Variants in DOCK9 observed in about 807,000 individuals in gnomAD.
The protein encoded by DOCK9 is dedicator of cytokinesis 9, also known as dedicator of cytokinesis protein 9.
In DOCK9, 89 loss-of-function variants were observed where a neutral mutation model predicts 263.3. That is an observed-to-expected ratio of 0.34 (90% CI 0.28 to 0.40). DOCK9 has a LOEUF of 0.40. DOCK9 is among the 10% of genes least tolerant of loss of function. The probability of loss-of-function intolerance (pLI) is 1.00; values close to 1 mark genes in which losing one functional copy is unlikely to be tolerated. For missense variants in DOCK9, 2,140 were observed against 2,603.4 expected (o/e 0.82, Z 3.87); for synonymous variants, 976 against 973.1 (o/e 1.00, Z -0.06).
At chr13:98,795,904 T>C (rs1239913351) in intron 52 of DOCK9, among the ~76,000 whole-genome samples, 11 of 152,002 alleles carry the variant, frequency 7.2e-5, no homozygotes, top group Non-Finnish European at 4.4e-5. Flanking sequence ...GACTAGGGTA[T>C]GTGCCACTAC....
intron 38 of DOCK9, among the ~76,000 whole-genome samples, chr13:98,838,503 A>C (rs916839018): frequency 6.6e-6 from 1 of 152,256 alleles, no homozygotes; most frequent in African/African-American, 2.4e-5. Flanking sequence ...GTCTGAAAGA[A>C]ATGTTTAGAA....
Position 98,826,874 on chromosome 13 carries a change from T to A in DOCK9, c.4979A>T (p.Tyr1660Phe), listed in dbSNP as rs1399725509. Residue 1660 changes from tyrosine (Y) to phenylalanine (F), a missense_variant, in exon 44 of 53, where the codon TAT (tyrosine) becomes TTT (phenylalanine). Physicochemically the swap from Tyr to Phe is conservative, Grantham distance 22. Transcript: ENST00000682017. ...NGDLSEAAMC[Y>F]VHVTALVAEY... ...TGCCACTAGGGCTGTTACGTGGACA[T>A]AGCACATTGCTGCCTATAATAGAAG... The A allele has an allele frequency of 1.9e-6, 3 of 1,610,734 alleles. No homozygotes were observed. The Admixed American group carries it at 5.0e-5, about 27-fold the overall frequency.
intron 2 of DOCK9, among the ~76,000 whole-genome samples, chr13:98,952,399 C>A (rs914159775): frequency 1.3e-5 from 2 of 151,764 alleles, no homozygotes; most frequent in African/African-American, 4.8e-5. Context: ...CCATGCCTGG[C>A]TAATTTTTGT....
chr13:99,005,427 C>T (rs966090230), intron 1 of DOCK9, among the ~76,000 whole-genome samples: 1 of 152,006 alleles, frequency 6.6e-6, no homozygotes, highest in African/African-American at 2.4e-5. Context: ...GTATAAGAAC[C>T]TTGCTTTTGC....
chr13:98,885,085 G>A lies in DOCK9; in HGVS notation c.2268C>T (p.Tyr756=). 1 of 1,613,582 alleles carries A rather than the reference G, an allele frequency of 6.2e-7. No homozygotes were observed. Among genetic ancestry groups the A allele is most frequent in the Admixed American group, 1.7e-5 (1 of 59,970 alleles). Residue 756 remains tyrosine (Y), a synonymous_variant, in exon 21 of 53, where the codon TAC becomes TAT. Transcript: ENST00000682017. The part of the protein sequence containing the change: ...KRDVVETQVG[Y]SWLPLLKDGR... The stretch of plus-strand genomic sequence containing the variant: ...CGTCTTTCAGGAGGGGAAGCCAGGA[G>A]TAGCCAACTGTTGAAAACAAAGAAC...
chr13:98,816,872 T>A (rs2091901923), intron 45 of DOCK9, among the ~76,000 whole-genome samples: 1 of 151,848 alleles, frequency 6.6e-6, no homozygotes, highest in African/African-American at 2.4e-5. Context: ...AAAATCGCAA[T>A]CAGAGTGATA....
intron 1 of DOCK9, among the ~76,000 whole-genome samples, chr13:99,035,434 T>A (rs1887772819): frequency 6.6e-6 from 1 of 152,200 alleles, no homozygotes; most frequent in South Asian, 2.1e-4. Context: ...GTCTACTGGA[T>A]TGGGTTCCAG....
At chr13:99,040,018 CT>C (rs1888302255) in intron 1 of DOCK9, among the ~76,000 whole-genome samples, 1 of 152,190 alleles carries the variant, frequency 6.6e-6, no homozygotes, top group Admixed American at 6.5e-5. Flanking sequence ...GAAGTGAATG[CT>C]TGTGTTTCCC....
intron 1 of DOCK9, among the ~76,000 whole-genome samples, chr13:99,046,768 T>G (rs1489427392): frequency 6.6e-6 from 1 of 152,260 alleles, no homozygotes; most frequent in Non-Finnish European, 1.5e-5. Context: ...TATCACTTAC[T>G]TTACTTTCAT....
At chr13:99,077,149 T>C (rs899946110) in intron 1 of DOCK9, among the ~76,000 whole-genome samples, 1 of 152,218 alleles carries the variant, frequency 6.6e-6, no homozygotes, top group Admixed American at 6.5e-5. Context: ...TGGGAAATAC[T>C]AATGTCTTCA....
chr13:99,086,121 C>T, intron 1 of DOCK9: 1 of 1,354,638 alleles, frequency 7.4e-7, no homozygotes, highest in Non-Finnish European at 9.5e-7. Flanking sequence ...CAGGGTCGGC[C>T]GCTCTGCCTC....
chr13:99,035,213 T>C (rs1245390459), intron 1 of DOCK9, among the ~76,000 whole-genome samples: 1 of 152,178 alleles, frequency 6.6e-6, no homozygotes, highest in Non-Finnish European at 1.5e-5. Flanking sequence ...TCTCTCAAAT[T>C]TGAATGAGCA....
intron 21 of DOCK9, 105 bp downstream of exon 21, chr13:98,884,866 G>T: frequency 7.6e-7 from 1 of 1,321,144 alleles, no homozygotes; most frequent in Non-Finnish European, 1.0e-6. Flanking sequence ...CAAAATGGTG[G>T]AAGAGCAAAA....
At chr13:98,847,197 C>G (rs1321150533) in intron 37 of DOCK9, 1 of 154,472 alleles carries the variant, frequency 6.5e-6, no homozygotes, top group Admixed American at 6.3e-5. Flanking sequence ...CTACTTGGCA[C>G]AATATTCTCC....
intron 48 of DOCK9, among the ~76,000 whole-genome samples, chr13:98,807,429 GTTAA>G (rs1566542681): frequency 6.6e-6 from 1 of 152,078 alleles, no homozygotes; most frequent in African/African-American, 2.4e-5. Context: ...CCTGTCAGAC[GTTAA>G]TTATTTTGTA....
intron 1 of DOCK9, among the ~76,000 whole-genome samples, chr13:98,964,978 T>C (rs1223181555): frequency 6.6e-6 from 1 of 152,190 alleles, no homozygotes; most frequent in Non-Finnish European, 1.5e-5. Flanking sequence ...CCTTCACCCA[T>C]ACAGCCCTCA....
At chr13:99,081,300 G>C (rs1384586711) in intron 1 of DOCK9, among the ~76,000 whole-genome samples, 1 of 152,196 alleles carries the variant, frequency 6.6e-6, no homozygotes, top group Non-Finnish European at 1.5e-5. Context: ...GAATAAACGG[G>C]GCAGTGAGGG....
At chr13:98,952,539 CTTTT>C (rs1460639443) in intron 2 of DOCK9, among the ~76,000 whole-genome samples, 1 of 152,208 alleles carries the variant, frequency 6.6e-6, no homozygotes, top group Non-Finnish European at 1.5e-5. Flanking sequence ...CTGGCCTATT[CTTTT>C]GATTTTTAAA....
chr13:99,031,589 A>G (rs760043048), intron 1 of DOCK9, among the ~76,000 whole-genome samples: 44 of 152,218 alleles, frequency 2.9e-4, no homozygotes, highest in Non-Finnish European at 5.9e-4. Context: ...AGAAACCTAA[A>G]GCTAAGCTAG....
Sources: gnomAD v4.1 joint callset for allele counts (sites outside exome capture counted in the v4.1 genomes callset) on GRCh38, gnomAD v4.1.1 for gene constraint, MANE v1.5 for transcripts, NCBI Gene and HGNC (gene_info 2026-07-23, HGNC 2026-07-21) for gene names.